UNC13C: variants seen among roughly 807,000 people sequenced by gnomAD.
UNC13C encodes the protein protein unc-13 homolog C.
UNC13C carries 174 observed loss-of-function variants against 245.4 expected under a neutral mutation model. The observed-to-expected ratio is 0.71, with a 90% confidence interval of 0.63 to 0.80. UNC13C has a LOEUF of 0.80. Among genes scored for constraint, UNC13C ranks in the 30% least tolerant of loss-of-function variants. The pLI is 0.00. For missense variants in UNC13C, 2,829 were observed against 2,602.9 expected (o/e 1.09, Z -1.89); for synonymous variants, 992 against 895.1 (o/e 1.11, Z -1.93).
chr15:54,008,924 A>C (rs943130830), intron 1 of UNC13C, among the ~76,000 whole-genome samples: 2 of 152,196 alleles, frequency 1.3e-5, no homozygotes, highest in African/African-American at 2.4e-5. Flanking sequence ...TAGGCATAAT[A>C]ATGCCTTTTT....
rs186167935 is a variant in UNC13C at position 54,449,438 on chromosome 15, G to T, written c.4933+34371G>T. ...AATCAGATGTAGATTTGGTCTTTTC[G>T]CACAGTCCCATATTTCCTTGAGGCT... On this transcript the variant is annotated intron_variant, in intron 19 of 32. Transcript: ENST00000260323. Among the ~76,000 whole-genome samples, 28 of 152,148 alleles carry T rather than the reference G, an allele frequency of 1.8e-4. No homozygotes were observed. The East Asian group carries it at 4.3e-3, about 23-fold the overall frequency.
chr15:54,047,671 G>A (rs530797645), intron 2 of UNC13C, among the ~76,000 whole-genome samples: 50 of 151,940 alleles, frequency 3.3e-4, no homozygotes, highest in Non-Finnish European at 6.0e-4. Flanking sequence ...AGTTGTTTCC[G>A]CCTTTTGCTA....
chr15:54,382,430 C>T (rs933240369), intron 17 of UNC13C, among the ~76,000 whole-genome samples: 4 of 151,740 alleles, frequency 2.6e-5, no homozygotes, highest in African/African-American at 4.8e-5. Flanking sequence ...CTCCGCAAAA[C>T]GTACAAAAAT....
chr15:54,456,352 T>C (rs1187460443), intron 19 of UNC13C, among the ~76,000 whole-genome samples: 4 of 152,160 alleles, frequency 2.6e-5, no homozygotes, highest in Non-Finnish European at 2.9e-5. Flanking sequence ...TTTGGTTCCA[T>C]ATGAACTTTA....
chr15:53,927,115 C>A, the UNC13C span, among the ~76,000 whole-genome samples: 1 of 152,140 alleles, frequency 6.6e-6, no homozygotes, highest in Non-Finnish European at 1.5e-5. Flanking sequence ...AACCACCAGG[C>A]AAAGTAGATA....
intron 4 of UNC13C, among the ~76,000 whole-genome samples, chr15:54,161,333 A>C (rs2032965017): frequency 6.6e-6 from 1 of 152,152 alleles, no homozygotes; most frequent in Admixed American, 6.6e-5. Context: ...GAGAGTGGAG[A>C]TCTTGTGCTT....
At chr15:53,896,906 G>C in the UNC13C span, among the ~76,000 whole-genome samples, 1 of 152,068 alleles carries the variant, frequency 6.6e-6, no homozygotes, top group South Asian at 2.1e-4. Flanking sequence ...ACCTGTCCTG[G>C]ATGACCTACC....
chr15:53,917,928 T>C, the UNC13C span, among the ~76,000 whole-genome samples: 11 of 152,206 alleles, frequency 7.2e-5, no homozygotes, highest in East Asian at 1.2e-3. Context: ...AAGATAAAGA[T>C]TGAAAAGGTT....
intron 2 of UNC13C, among the ~76,000 whole-genome samples, chr15:54,081,041 T>G (rs1898913429): frequency 6.6e-6 from 1 of 152,124 alleles, no homozygotes; most frequent in Admixed American, 6.5e-5. Context: ...TTTTAAAAAC[T>G]TCTGCCTTAA....
At chr15:54,569,783 T>C (rs1897670512) in intron 30 of UNC13C, among the ~76,000 whole-genome samples, 1 of 152,176 alleles carries the variant, frequency 6.6e-6, no homozygotes, top group Admixed American at 6.6e-5. Context: ...ATTTTCTGTT[T>C]TTTTTCTGAG....
intron 7 of UNC13C, among the ~76,000 whole-genome samples, chr15:54,246,292 T>C (rs532301869): frequency 6.6e-6 from 1 of 152,262 alleles, no homozygotes; most frequent in Non-Finnish European, 1.5e-5. Flanking sequence ...TGTGCTTGCC[T>C]ACAAAGGCTT....
the UNC13C span, among the ~76,000 whole-genome samples, chr15:53,916,387 G>A: frequency 6.6e-6 from 1 of 152,164 alleles, no homozygotes; most frequent in Non-Finnish European, 1.5e-5. Flanking sequence ...CATATTCACT[G>A]AAATATCTTT....
chr15:54,521,958 A>G (rs564107732), intron 24 of UNC13C, among the ~76,000 whole-genome samples: 59 of 152,308 alleles, frequency 3.9e-4, no homozygotes, highest in South Asian at 2.1e-3. Context: ...AACAAGTTCT[A>G]TGGAAGAGGT....
chr15:54,265,356 G>A lies in UNC13C; in HGVS notation c.3678G>A (p.Val1226=), dbSNP rs2036526580. 6 of 1,509,968 alleles carry A rather than the reference G, an allele frequency of 4.0e-6. No individual in the cohort carries two copies. The highest frequency in any genetic ancestry group is 5.3e-6 in the Non-Finnish European group (6 of 1,126,542). The allele number at this position is 1,509,968 out of a possible 1,614,324, so 93.5% of individuals were successfully genotyped here. A position where few individuals can be genotyped will look rare whatever the true frequency, so the allele number is the denominator to read the frequency against. The change falls in exon 10 of 33, where the codon GTG becomes GTA. Residue 1226 remains valine, a splice_region_variant and synonymous_variant. Coordinates refer to ENST00000260323, the MANE Select transcript of UNC13C (RefSeq NM_001080534.3). The stretch of plus-strand genomic sequence containing the variant: ...AATGTTTATTTTGGTTTATTTCAGT[G>A]GTTTCTGCACAGGGTCTACAGGCAA... ...SKWSAKITIT[V]VSAQGLQAKD...
intron 18 of UNC13C, among the ~76,000 whole-genome samples, chr15:54,397,697 T>G (rs2040098605): frequency 6.6e-6 from 1 of 151,438 alleles, no homozygotes. Context: ...TAATTTCTTA[T>G]TTTGGTGAAA....
At chr15:54,519,790 A>G (rs1895139614) in intron 24 of UNC13C, among the ~76,000 whole-genome samples, 1 of 152,134 alleles carries the variant, frequency 6.6e-6, no homozygotes, top group Non-Finnish European at 1.5e-5. Flanking sequence ...AAACCACAGT[A>G]TTCATGCTGA....
intron 29 of UNC13C, among the ~76,000 whole-genome samples, chr15:54,560,648 A>C (rs1596572562): frequency 6.6e-6 from 1 of 151,978 alleles, no homozygotes; most frequent in African/African-American, 2.4e-5. Context: ...CTAGGGTGGA[A>C]GCCTTTACAA....
chr15:54,124,125 G>C (rs1211027631), intron 2 of UNC13C, among the ~76,000 whole-genome samples: 4 of 152,164 alleles, frequency 2.6e-5, no homozygotes, highest in Admixed American at 2.6e-4. Context: ...GATATTTCCA[G>C]TTTGGGTTAT....
intron 4 of UNC13C, among the ~76,000 whole-genome samples, chr15:54,227,131 C>T (rs1449153874): frequency 4.6e-5 from 7 of 152,134 alleles, no homozygotes; most frequent in Admixed American, 3.9e-4. Flanking sequence ...GAATTGTTTT[C>T]AGGAGACCCA....
Sources: gnomAD v4.1 joint callset for allele counts (sites outside exome capture counted in the v4.1 genomes callset) on GRCh38, gnomAD v4.1.1 for gene constraint, MANE v1.5 for transcripts, NCBI Gene and HGNC (gene_info 2026-07-23, HGNC 2026-07-21) for gene names.